The following ZNRF2 variants were observed in gnomAD, a reference collection of about 807,000 sequenced individuals.
The protein encoded by ZNRF2 is E3 ubiquitin-protein ligase ZNRF2.
In ZNRF2, 16 loss-of-function variants were observed where a neutral mutation model predicts 20.4. The ratio of observed to expected loss-of-function variants is 0.79; its 90% CI spans 0.53 to 1.19. The LOEUF is 1.19. ZNRF2 is among the 50% of genes most tolerant of loss of function. The probability of loss-of-function intolerance (pLI) is 0.00; values close to 1 mark genes in which losing one functional copy is unlikely to be tolerated. For synonymous variants in ZNRF2, 178 were observed against 144.9 expected, an observed-to-expected ratio of 1.23 and a Z score of -1.64; for missense variants, 363 against 332.4, an observed-to-expected ratio of 1.09 and a Z score of -0.72.
intron 1 of ZNRF2, among the ~76,000 whole-genome samples, chr7:30,287,379 A>G (rs1366139067): frequency 6.6e-6 from 1 of 152,262 alleles, no homozygotes; most frequent in East Asian, 1.9e-4. Flanking sequence ...ATGAATATTT[A>G]AGTTTGCTAA....
chr7:30,358,016 A>G (rs79269940), intron 3 of ZNRF2, among the ~76,000 whole-genome samples: 3 of 152,308 alleles, frequency 2.0e-5, no homozygotes, highest in Non-Finnish European at 4.4e-5. Context: ...ACCAAGTTGC[A>G]TTTATGCTAG....
chr7:30,300,329 A>T (rs531351206), intron 1 of ZNRF2, among the ~76,000 whole-genome samples: 1 of 151,244 alleles, frequency 6.6e-6, no homozygotes, highest in African/African-American at 2.4e-5. Context: ...CTGTATGTTT[A>T]GTAGAGACAG....
intron 2 of ZNRF2, among the ~76,000 whole-genome samples, chr7:30,339,102 C>T (rs1799758668): frequency 6.6e-6 from 1 of 152,118 alleles, no homozygotes; most frequent in African/African-American, 2.4e-5. Flanking sequence ...ATCCTTTGCC[C>T]TCTTTTTGAT....
rs2127953829 is a variant in ZNRF2, at chr7:30,346,641, C to T, written c.566-9087C>T. 2.6e-5 allele frequency among the ~76,000 whole-genome samples: 4 copies of T among 152,018 alleles called. No homozygotes were observed. In the South Asian group the frequency reaches 8.3e-4, roughly 32 times the overall value. ...AAGCCAGAATTTTTTTGTTTTTTCACCGTACTCCCATCTCTAATTAATCCT... is the reference window on the plus strand; with the variant it reads ...AAGCCAGAATTTTTTTGTTTTTTCATCGTACTCCCATCTCTAATTAATCCT... On this transcript the variant is annotated intron_variant, in intron 2 of 4. Transcript: ENST00000323037.
Position 30,285,644 on chromosome 7 carries a change from C to T in ZNRF2, c.287C>T (p.Ala96Val), listed in dbSNP as rs1049546256. The T allele has an allele frequency of 3.1e-6, 4 of 1,296,436 alleles. No individual in the cohort carries two copies. Among genetic ancestry groups the T allele is most frequent in the Admixed American group, 3.9e-5 (1 of 25,472 alleles). The allele number at this position is 1,296,436 out of a possible 1,614,324, so 80.3% of individuals were successfully genotyped here. Residue 96 changes from alanine (A) to valine (V), a missense_variant, in exon 1 of 5, where the codon GCG (alanine) becomes GTG (valine). Coordinates refer to ENST00000323037, the MANE Select transcript of ZNRF2 (RefSeq NM_147128.4). The part of the protein sequence containing the change: ...AVGSVASGAR[A>V]AQSPFSIPNS... ...GGGAGCGTGGCGTCGGGGGCCCGCG[C>T]GGCGCAGTCCCCCTTCAGCATCCCG... is the stretch of plus-strand genomic sequence containing the variant.
intron 2 of ZNRF2, among the ~76,000 whole-genome samples, chr7:30,328,502 A>G (rs527581454): frequency 1.3e-5 from 2 of 152,334 alleles, no homozygotes; most frequent in Non-Finnish European, 2.9e-5. Flanking sequence ...GTCTATAAAC[A>G]TTCATAGTTA....
At chr7:30,295,046 AGAGAGTGTGTGTGTGTGTGTGTGTGT>A (rs1336810116) in intron 1 of ZNRF2, among the ~76,000 whole-genome samples, 6 of 98,586 alleles carry the variant, frequency 6.1e-5, no homozygotes, top group African/African-American at 2.5e-4. Flanking sequence ...AGAGAGAGAG[AGAGAGTGTGTGTGTGTGTGTGTGTGT>A]GTGTGTGTGT....
chr7:30,338,738 C>T (rs1333073210), intron 2 of ZNRF2, among the ~76,000 whole-genome samples: 1 of 151,950 alleles, frequency 6.6e-6, no homozygotes, highest in African/African-American at 2.4e-5. Flanking sequence ...ATAAACATAC[C>T]TGTGAATGTG....
intron 2 of ZNRF2, among the ~76,000 whole-genome samples, chr7:30,334,111 A>G: frequency 6.6e-6 from 1 of 151,788 alleles, no homozygotes. Flanking sequence ...TTTTCCTAGG[A>G]TTTTTATAGT....
chr7:30,324,163 A>C (rs1799516168), intron 2 of ZNRF2, among the ~76,000 whole-genome samples: 1 of 152,068 alleles, frequency 6.6e-6, no homozygotes, highest in South Asian at 2.1e-4. Context: ...CTGCTTCTTC[A>C]TTCAGTTTAT....
intron 1 of ZNRF2, among the ~76,000 whole-genome samples, chr7:30,308,632 T>G (rs1200307213): frequency 6.6e-6 from 1 of 152,218 alleles, no homozygotes; most frequent in Non-Finnish European, 1.5e-5. Context: ...AATTGCTGAG[T>G]CATAGGTTAT....
intron 2 of ZNRF2, among the ~76,000 whole-genome samples, chr7:30,354,888 TATTTTAA>T (rs1424881752): frequency 6.6e-6 from 1 of 152,210 alleles, no homozygotes; most frequent in Non-Finnish European, 1.5e-5. Context: ...TTACATACTC[TATTTTAA>T]GCAAACTGCT....
chr7:30,364,522 C>T (rs942901930), intron 4 of ZNRF2, among the ~76,000 whole-genome samples: 1 of 152,034 alleles, frequency 6.6e-6, no homozygotes, highest in Non-Finnish European at 1.5e-5. Flanking sequence ...AGTAAGAATG[C>T]TAGGTAAGAG....
intron 4 of ZNRF2, among the ~76,000 whole-genome samples, chr7:30,365,410 G>T: frequency 6.6e-6 from 1 of 151,926 alleles, no homozygotes; most frequent in Non-Finnish European, 1.5e-5. Context: ...CTACTACATG[G>T]GCAGGGTGAA....
intron 1 of ZNRF2, among the ~76,000 whole-genome samples, chr7:30,298,881 T>G (rs1204378261): frequency 6.6e-6 from 1 of 151,390 alleles, no homozygotes; most frequent in East Asian, 1.9e-4. Context: ...CTGCTGTAAA[T>G]CAGTTTGCTT....
At chr7:30,286,343 A>G (rs1798789001) in intron 1 of ZNRF2, among the ~76,000 whole-genome samples, 1 of 152,236 alleles carries the variant, frequency 6.6e-6, no homozygotes, top group Non-Finnish European at 1.5e-5. Context: ...AGTCCCAGTT[A>G]CTATGTCATT....
At chr7:30,301,723 ACTTAT>A (rs1360994572) in intron 1 of ZNRF2, among the ~76,000 whole-genome samples, 141 of 146,104 alleles carry the variant, frequency 9.7e-4, no homozygotes, top group Non-Finnish European at 1.2e-3. Context: ...AAAAAAAAAA[ACTTAT>A]CTTTGTCTTA....
chr7:30,337,924 C>A (rs1799740959), intron 2 of ZNRF2, among the ~76,000 whole-genome samples: 1 of 152,076 alleles, frequency 6.6e-6, no homozygotes. Flanking sequence ...TTGTGATCTT[C>A]CAGAGATATT....
intron 1 of ZNRF2, among the ~76,000 whole-genome samples, chr7:30,290,198 T>G (rs1436541248): frequency 6.6e-6 from 1 of 152,262 alleles, no homozygotes; most frequent in Non-Finnish European, 1.5e-5. Flanking sequence ...ACATGACATT[T>G]ATTTGTTAAG....
Sources: gnomAD v4.1 joint callset for allele counts (sites outside exome capture counted in the v4.1 genomes callset) on GRCh38, gnomAD v4.1.1 for gene constraint, MANE v1.5 for transcripts, NCBI Gene and HGNC (gene_info 2026-07-23, HGNC 2026-07-21) for gene names.